NALCN: variants seen among roughly 807,000 people sequenced by gnomAD.
The protein encoded by NALCN is sodium leak channel, non-selective, also known as sodium leak channel NALCN.
In NALCN, 111 loss-of-function variants were observed where a neutral mutation model predicts 225.3. The ratio of observed to expected loss-of-function variants is 0.49; its 90% confidence interval spans 0.42 to 0.58. NALCN has a LOEUF of 0.58. Among genes scored for constraint, NALCN ranks in the 20% least tolerant of loss-of-function variants. The probability of loss-of-function intolerance (pLI) is 0.00; values close to 1 mark genes in which losing one functional copy is unlikely to be tolerated. For missense variants in NALCN, 1,378 were observed against 2,202.4 expected, an observed-to-expected ratio of 0.63 and a Z score of 7.49; for synonymous variants, 764 against 769.0, an observed-to-expected ratio of 0.99 and a Z score of 0.11.
intron 11 of NALCN, among the ~76,000 whole-genome samples, chr13:101,250,275 T>C (rs1192497500): frequency 6.6e-6 from 1 of 152,024 alleles, no homozygotes; most frequent in African/African-American, 2.4e-5. Context: ...ATGAATTAAA[T>C]TTTCATAATG....
intron 6 of NALCN, among the ~76,000 whole-genome samples, chr13:101,357,962 C>G (rs903926528): frequency 5.3e-5 from 8 of 152,180 alleles, no homozygotes; most frequent in Non-Finnish European, 1.2e-4. Flanking sequence ...ATAAATGGTG[C>G]TGAGAAAACT....
At chr13:101,367,888 CTCCTATTTCTCTGCTT>C (rs2139387932) in intron 6 of NALCN, among the ~76,000 whole-genome samples, 1 of 152,192 alleles carries the variant, frequency 6.6e-6, no homozygotes, top group East Asian at 1.9e-4. Flanking sequence ...GATGTGGCGT[CTCCTATTTCTCTGCTT>C]TCACGGTTTG....
At chr13:101,234,947 A>G (rs2041498004) in intron 12 of NALCN, among the ~76,000 whole-genome samples, 1 of 152,118 alleles carries the variant, frequency 6.6e-6, no homozygotes, top group Non-Finnish European at 1.5e-5. Flanking sequence ...ACAGACTAGT[A>G]GGAAAATCAG....
rs539430260 is a variant in NALCN at position 101,289,373 on chromosome 13, C to T, written c.1047+2617G>A. 2.8e-4 allele frequency among the ~76,000 whole-genome samples: 43 copies of T among 152,100 alleles called. No individual in the cohort carries two copies. In the South Asian group the frequency reaches 8.5e-3, roughly 30 times the overall value. On this transcript the variant is annotated intron_variant, in intron 9 of 43. Coordinates refer to ENST00000251127, the MANE Select transcript of NALCN (RefSeq NM_052867.4). ...GTGTCTTGGAGGCATTTGGTGGTGA[C>T]CATTCAATTGAAAAATATTGCTTCG...
At chr13:101,191,815 C>A in intron 14 of NALCN, 102 bp downstream of exon 14, 1 of 1,231,274 alleles carries the variant, frequency 8.1e-7, no homozygotes, top group African/African-American at 1.6e-5. Context: ...CTGCATTAGT[C>A]CTTTGGCTCC....
chr13:101,381,080 T>C (rs1594765159), intron 3 of NALCN, among the ~76,000 whole-genome samples: 1 of 152,206 alleles, frequency 6.6e-6, no homozygotes, highest in East Asian at 1.9e-4. Context: ...AATAATGTTT[T>C]CAGGGGCAAG....
chr13:101,332,526 G>A (rs1372968458), intron 7 of NALCN, among the ~76,000 whole-genome samples: 1 of 151,322 alleles, frequency 6.6e-6, no homozygotes, highest in Non-Finnish European at 1.5e-5. Flanking sequence ...TACCAAAGGA[G>A]AATTCTGCAC....
intron 1 of NALCN, among the ~76,000 whole-genome samples, chr13:101,414,285 G>T (rs1193032357): frequency 6.6e-6 from 1 of 152,148 alleles, no homozygotes; most frequent in Non-Finnish European, 1.5e-5. Context: ...TTACATATTT[G>T]TCTTTCCTGA....
Position 101,101,784 on chromosome 13 carries a change from CA to C in NALCN, c.3058-897del, listed in dbSNP as rs574753833. Reference sequence around the variant, plus strand: ...CTCAGCAGAGACGAGTGGCAGAGGGCAAAATATGGAACAAGTGAACTGCACT... The same window carrying C: ...CTCAGCAGAGACGAGTGGCAGAGGGCAAATATGGAACAAGTGAACTGCACT... On this transcript the variant is annotated intron_variant, in intron 26 of 43. Transcript: ENST00000251127. Among the ~76,000 whole-genome samples, 243 of 152,138 alleles carry C rather than the reference CA, an allele frequency of 1.6e-3. 1 individual carries two copies. The highest frequency in any genetic ancestry group is 5.6e-3 in the African/African-American group (234 of 41,512).
intron 9 of NALCN, among the ~76,000 whole-genome samples, chr13:101,286,601 C>T (rs552409902): frequency 1.3e-5 from 2 of 152,268 alleles, no homozygotes; most frequent in Non-Finnish European, 2.9e-5. Flanking sequence ...GATTCCTCAT[C>T]GCATACGTCA....
At chr13:101,208,298 C>T (rs1594438439) in intron 13 of NALCN, among the ~76,000 whole-genome samples, 1 of 152,184 alleles carries the variant, frequency 6.6e-6, no homozygotes, top group Non-Finnish European at 1.5e-5. Context: ...CTCCTGAGGC[C>T]AGCGAGACCA....
At chr13:101,251,663 A>G (rs920347882) in intron 11 of NALCN, among the ~76,000 whole-genome samples, 1 of 152,200 alleles carries the variant, frequency 6.6e-6, no homozygotes, top group African/African-American at 2.4e-5. Flanking sequence ...ATAGAAAAAG[A>G]ATCCTGCAAA....
intron 7 of NALCN, among the ~76,000 whole-genome samples, 188 bp downstream of exon 7, chr13:101,345,078 C>T (rs1202445954): frequency 6.6e-6 from 1 of 152,156 alleles, no homozygotes; most frequent in African/African-American, 2.4e-5. Flanking sequence ...CATATACATA[C>T]ACAGCTTGTA....
chr13:101,111,091 G>T (rs1357913703), intron 19 of NALCN, 34 bp downstream of exon 19: 15 of 1,577,638 alleles, frequency 9.5e-6, no homozygotes, highest in Non-Finnish European at 1.3e-5. Flanking sequence ...CCCTTTTTTA[G>T]AGTCTCTGAA....
At chr13:101,134,360 T>C (rs557456307) in intron 17 of NALCN, among the ~76,000 whole-genome samples, 97 of 152,334 alleles carry the variant, frequency 6.4e-4, no homozygotes, top group South Asian at 6.2e-3. Flanking sequence ...CCAGCACAAG[T>C]TGATCCCTGC....
intron 7 of NALCN, among the ~76,000 whole-genome samples, chr13:101,297,195 T>C (rs1046137965): frequency 8.5e-5 from 13 of 152,192 alleles, no homozygotes; most frequent in Admixed American, 7.9e-4. Context: ...TGATGATAAC[T>C]AGCAACACAC....
Position 101,244,014 on chromosome 13 carries a change from TATGG to T in NALCN, c.1267-6096_1267-6093del, listed in dbSNP as rs2041818860. Among the ~76,000 whole-genome samples the T allele has an allele frequency of 1.1e-4, 4 of 37,262 alleles. 1 individual carries two copies. Among genetic ancestry groups the T allele is most frequent in the African/African-American group, 3.6e-4 (4 of 11,164 alleles). The allele number at this position is 37,262 out of a possible 152,430, so 24.4% of individuals were successfully genotyped here. The stretch of plus-strand genomic sequence containing the variant: ...GAAGACTTGAACCTGTTTTCTCTCC[TATGG>T]ATACTAGGGAATCTCAGGAGAAACT... On this transcript the variant is annotated intron_variant, in intron 11 of 43. Transcript: ENST00000251127.
chr13:101,331,583 ACACTGTGAAGAACTATC>A (rs1264434834), intron 7 of NALCN, among the ~76,000 whole-genome samples: 1 of 152,114 alleles, frequency 6.6e-6, no homozygotes, highest in Admixed American at 6.6e-5. Context: ...TTTTGGGTAC[ACACTGTGAAGAACTATC>A]CACTTTTAAC....
chr13:101,245,618 T>A (rs1473245071), intron 11 of NALCN, among the ~76,000 whole-genome samples: 2 of 152,170 alleles, frequency 1.3e-5, no homozygotes, highest in Admixed American at 1.3e-4. Context: ...TTACTCCCTG[T>A]TGAGAATGCA....
Sources: gnomAD v4.1 joint callset for allele counts (sites outside exome capture counted in the v4.1 genomes callset) on GRCh38, gnomAD v4.1.1 for gene constraint, MANE v1.5 for transcripts, NCBI Gene and HGNC (gene_info 2026-07-23, HGNC 2026-07-21) for gene names.